The following KIAA1217 variants were observed in gnomAD, a reference collection of about 807,000 sequenced individuals.
KIAA1217 encodes KIAA1217.
KIAA1217 carries 88 observed loss-of-function variants against 163.9 expected under a neutral mutation model. The ratio of observed to expected loss-of-function variants is 0.54; its 90% CI spans 0.45 to 0.64. KIAA1217 has a LOEUF of 0.64. KIAA1217 is among the 30% of genes least tolerant of loss of function. The pLI, the probability that KIAA1217 is intolerant of heterozygous loss-of-function variation, is 0.00. For synonymous variants in KIAA1217, 903 were observed against 923.1 expected, an observed-to-expected ratio of 0.98 and a Z score of 0.39; for missense variants, 2,372 against 2,475.0, an observed-to-expected ratio of 0.96 and a Z score of 0.88.
chr10:24,065,166 A>G (rs557978717), intron 2 of KIAA1217, among the ~76,000 whole-genome samples: 10 of 152,000 alleles, frequency 6.6e-5, no homozygotes, highest in Admixed American at 2.0e-4. Flanking sequence ...GATCTTAGTT[A>G]TTTCTTGCCT....
chr10:23,916,988 AGGTTTGTCT>A (rs1842659238), intron 1 of KIAA1217, among the ~76,000 whole-genome samples: 1 of 148,950 alleles, frequency 6.7e-6, no homozygotes, highest in African/African-American at 2.5e-5. Flanking sequence ...AAAAAAAAAA[AGGTTTGTCT>A]TAGTTTTCTT....
At chr10:24,309,792 C>T (rs1187363698) in intron 2 of KIAA1217, among the ~76,000 whole-genome samples, 2 of 152,142 alleles carry the variant, frequency 1.3e-5, no homozygotes, top group Admixed American at 1.3e-4. Context: ...ATCTTGCGTG[C>T]ACCCAGCACA....
At chr10:23,928,702 G>A (rs1843130305) in intron 1 of KIAA1217, among the ~76,000 whole-genome samples, 1 of 152,148 alleles carries the variant, frequency 6.6e-6, no homozygotes, top group Non-Finnish European at 1.5e-5. Flanking sequence ...TCATGAGGTA[G>A]ATACCATTAT....
intron 1 of KIAA1217, among the ~76,000 whole-genome samples, chr10:23,806,887 G>T (rs1289346900): frequency 6.6e-6 from 1 of 152,156 alleles, no homozygotes; most frequent in East Asian, 1.9e-4. Flanking sequence ...CCCTCTTTCA[G>T]TTCTCTGTTG....
intron 1 of KIAA1217, among the ~76,000 whole-genome samples, chr10:23,737,642 A>G (rs1001099387): frequency 3.9e-5 from 6 of 152,204 alleles, no homozygotes; most frequent in Non-Finnish European, 8.8e-5. Context: ...AAAACAGAAT[A>G]AAAAATAGTA....
At chr10:24,134,920 T>G (rs1422574875) in intron 2 of KIAA1217, among the ~76,000 whole-genome samples, 2 of 151,992 alleles carry the variant, frequency 1.3e-5, no homozygotes, top group Non-Finnish European at 2.9e-5. Context: ...CAGGCTGATG[T>G]GATAGGTTAG....
Position 23,802,565 on chromosome 10 carries a change from C to T in KIAA1217, c.-321+107331C>T, listed in dbSNP as rs530756097. ...GGATTAAAGGTTGGAGGACATCTGACACCTATCAGGGTTTTGATTTTAGAA... is the reference window on the plus strand; with the variant it reads ...GGATTAAAGGTTGGAGGACATCTGATACCTATCAGGGTTTTGATTTTAGAA... On this transcript the variant is annotated intron_variant, in intron 1 of 18. Transcript: ENST00000376462. Among the ~76,000 whole-genome samples, 93 of 152,338 alleles carry T rather than the reference C, an allele frequency of 6.1e-4. No individual in the cohort carries two copies. The Middle Eastern group carries it at 0.014, about 22-fold the overall frequency.
At chr10:23,754,235 T>C (rs1833803591) in intron 1 of KIAA1217, among the ~76,000 whole-genome samples, 1 of 152,154 alleles carries the variant, frequency 6.6e-6, no homozygotes, top group South Asian at 2.1e-4. Context: ...AGGCAATGCA[T>C]GGGTGCATCA....
intron 6 of KIAA1217, among the ~76,000 whole-genome samples, chr10:24,489,860 CAAAAA>C (rs11393718): frequency 4.6e-5 from 3 of 64,914 alleles, no homozygotes; most frequent in Admixed American, 2.2e-4. Context: ...GAGAACCTGT[CAAAAA>C]AAAAAAAAAA....
At chr10:23,885,866 T>G (rs545383180) in intron 1 of KIAA1217, among the ~76,000 whole-genome samples, 2 of 152,044 alleles carry the variant, frequency 1.3e-5, no homozygotes, top group South Asian at 4.1e-4. Flanking sequence ...AGATAACCCA[T>G]GAACACAATC....
chr10:24,273,856 A>G (rs1340287875), intron 2 of KIAA1217, among the ~76,000 whole-genome samples: 4 of 151,512 alleles, frequency 2.6e-5, no homozygotes, highest in African/African-American at 9.7e-5. Context: ...CTGTCTCAAA[A>G]AAAAAAAAAA....
intron 3 of KIAA1217, among the ~76,000 whole-genome samples, chr10:24,385,198 C>T (rs2053846750): frequency 6.6e-6 from 1 of 152,198 alleles, no homozygotes; most frequent in African/African-American, 2.4e-5. Flanking sequence ...GGAAGCCTTC[C>T]CTCACTTCAG....
intron 1 of KIAA1217, among the ~76,000 whole-genome samples, chr10:23,854,575 C>A (rs1839544840): frequency 6.6e-6 from 1 of 152,096 alleles, no homozygotes; most frequent in African/African-American, 2.4e-5. Context: ...TCCTTGTTAA[C>A]TTTCTGTCTC....
chr10:23,825,191 TTTAAG>T (rs573825836), intron 1 of KIAA1217, among the ~76,000 whole-genome samples: 185 of 152,344 alleles, frequency 1.2e-3, no homozygotes, highest in Non-Finnish European at 1.9e-3. Context: ...CATCTTTTCT[TTTAAG>T]TTAATTTTCT....
chr10:23,705,581 T>C (rs192508803), intron 1 of KIAA1217, among the ~76,000 whole-genome samples: 43 of 152,314 alleles, frequency 2.8e-4, no homozygotes, highest in Admixed American at 2.7e-3. Flanking sequence ...GGTCTTAATG[T>C]TATTTTATTG....
At chr10:24,121,948 T>C (rs1430280114) in intron 2 of KIAA1217, among the ~76,000 whole-genome samples, 1 of 152,178 alleles carries the variant, frequency 6.6e-6, no homozygotes, top group Non-Finnish European at 1.5e-5. Flanking sequence ...GACATACATA[T>C]AACTACATAA....
intron 2 of KIAA1217, among the ~76,000 whole-genome samples, chr10:24,068,869 G>A (rs2061074245): frequency 6.6e-6 from 1 of 152,234 alleles, no homozygotes; most frequent in South Asian, 2.1e-4. Flanking sequence ...TGTGCTAGGA[G>A]AAGGAGCTAT....
intron 1 of KIAA1217, among the ~76,000 whole-genome samples, chr10:23,743,061 C>A (rs1839206673): frequency 6.6e-6 from 1 of 152,104 alleles, no homozygotes; most frequent in Non-Finnish European, 1.5e-5. Context: ...CCAAAACTAG[C>A]ACCACTGAAG....
intron 2 of KIAA1217, among the ~76,000 whole-genome samples, chr10:24,095,962 G>A (rs891712735): frequency 6.6e-6 from 1 of 152,160 alleles, no homozygotes; most frequent in African/African-American, 2.4e-5. Flanking sequence ...GTTTTCATTA[G>A]CTAGGCATGG....
Sources: allele counts gnomAD v4.1 joint callset (sites outside exome capture counted in the v4.1 genomes callset), GRCh38; gene constraint gnomAD v4.1.1; transcripts MANE v1.5; gene names NCBI Gene and HGNC (gene_info 2026-07-23, HGNC 2026-07-21).